The following RFX3 variants were observed in gnomAD, a reference collection of about 807,000 sequenced individuals.
The protein encoded by RFX3 is regulatory factor X3.
Under a neutral mutation model 98.6 loss-of-function variants are expected in RFX3, and 14 were observed. The observed-to-expected ratio is 0.14, with a 90% CI of 0.09 to 0.22. The LOEUF (loss-of-function observed/expected upper bound fraction) is 0.22. Ranked by LOEUF, RFX3 falls within the 10% of genes least tolerant of loss-of-function variation. The pLI is 1.00. For missense variants in RFX3, 639 were observed against 926.9 expected, an observed-to-expected ratio of 0.69 and a Z score of 4.03; for synonymous variants, 383 against 328.4, an observed-to-expected ratio of 1.17 and a Z score of -1.80.
At chr9:3,485,101 G>A (rs1242515096) in intron 1 of RFX3, among the ~76,000 whole-genome samples, 2 of 152,016 alleles carry the variant, frequency 1.3e-5, no homozygotes, top group Non-Finnish European at 2.9e-5. Flanking sequence ...AACAGAGCAA[G>A]AGCCTATCTC....
chr9:3,270,331 T>G (rs773148426), intron 11 of RFX3, 40 bp downstream of exon 11: 1 of 1,570,250 alleles, frequency 6.4e-7, no homozygotes, highest in South Asian at 1.2e-5. Flanking sequence ...GTGGAATGTA[T>G]GAGAACAAAA....
chr9:3,485,713 AT>A (rs896238292), intron 1 of RFX3, among the ~76,000 whole-genome samples: 1 of 152,238 alleles, frequency 6.6e-6, no homozygotes, highest in Non-Finnish European at 1.5e-5. Context: ...ATCTGCAAAA[AT>A]TACATGCATC....
chr9:3,342,671 A>T (rs558953262), intron 3 of RFX3, among the ~76,000 whole-genome samples: 6 of 151,866 alleles, frequency 4.0e-5, no homozygotes, highest in South Asian at 4.2e-4. Context: ...ATTTTATTTT[A>T]AAAAAAAACT....
chr9:3,365,806 CT>C (rs1231471511), intron 2 of RFX3, among the ~76,000 whole-genome samples: 1 of 152,042 alleles, frequency 6.6e-6, no homozygotes, highest in Non-Finnish European at 1.5e-5. Flanking sequence ...CTCCAACCCC[CT>C]ACCAATAATT....
chr9:3,336,960 G>A (rs921068219), intron 3 of RFX3, among the ~76,000 whole-genome samples: 2 of 152,186 alleles, frequency 1.3e-5, no homozygotes, highest in East Asian at 1.9e-4. Flanking sequence ...ACCAGAGTAT[G>A]AAATGTACGC....
chr9:3,228,188 A>T (rs1333706684), intron 16 of RFX3, among the ~76,000 whole-genome samples: 1 of 152,190 alleles, frequency 6.6e-6, no homozygotes, highest in Non-Finnish European at 1.5e-5. Context: ...CTCTGCTTAT[A>T]AAGGTGGGTA....
At chr9:3,239,831 C>T (rs1476653318) in intron 15 of RFX3, among the ~76,000 whole-genome samples, 3 of 152,218 alleles carry the variant, frequency 2.0e-5, no homozygotes, top group Non-Finnish European at 4.4e-5. Context: ...GGAGCCTGTG[C>T]TTCCCTCCCT....
chr9:3,266,237 T>C lies in RFX3; in HGVS notation c.1426A>G (p.Asn476Asp). ...GTTTGTATCATTCTCTGTGGAATAT[T>C]GTTCATGGCATTGGAAAGCCAACCT... ...LEGWLSNAMNNIPQRMIQTKV... is the reference protein window; with the variant it reads ...LEGWLSNAMNDIPQRMIQTKV... Residue 476 changes from asparagine to aspartate, a missense_variant, in exon 12 of 17, where the codon AAT becomes GAT. Asn to Asp is a conservative substitution (Grantham distance 23, BLOSUM62 1). Transcript: ENST00000617270. The C allele has an allele frequency of 1.2e-6, 2 of 1,610,878 alleles. No homozygotes were observed. Among genetic ancestry groups the C allele is most frequent in the Non-Finnish European group, 8.5e-7 (1 of 1,177,778 alleles).
At chr9:3,352,252 G>A (rs1835234773) in intron 2 of RFX3, among the ~76,000 whole-genome samples, 1 of 151,960 alleles carries the variant, frequency 6.6e-6, no homozygotes, top group African/African-American at 2.4e-5. Context: ...GTGTATGTGT[G>A]TGTGCATATA....
intron 2 of RFX3, among the ~76,000 whole-genome samples, chr9:3,349,803 T>C (rs1399971275): frequency 2.6e-5 from 4 of 152,006 alleles, no homozygotes; most frequent in Admixed American, 1.3e-4. Context: ...TAGAATAAAT[T>C]TGAAGATCAT....
intron 1 of RFX3, among the ~76,000 whole-genome samples, chr9:3,413,889 T>C (rs1332640219): frequency 6.6e-6 from 1 of 152,108 alleles, no homozygotes; most frequent in East Asian, 1.9e-4. Flanking sequence ...TCCACCTAGA[T>C]AACATGAAGA....
intron 3 of RFX3, among the ~76,000 whole-genome samples, chr9:3,336,050 T>G (rs760990453): frequency 6.6e-6 from 1 of 152,184 alleles, no homozygotes; most frequent in Non-Finnish European, 1.5e-5. Flanking sequence ...ACCAAGATGT[T>G]GAATGTCCTC....
chr9:3,462,127 T>C (rs916124650), intron 1 of RFX3, among the ~76,000 whole-genome samples: 2 of 151,950 alleles, frequency 1.3e-5, no homozygotes, highest in Non-Finnish European at 1.5e-5. Context: ...ACAAGCATAC[T>C]ACAAGAAAAT....
chr9:3,499,248 G>C (rs1815714067), intron 1 of RFX3, among the ~76,000 whole-genome samples: 1 of 151,938 alleles, frequency 6.6e-6, no homozygotes, highest in Non-Finnish European at 1.5e-5. Flanking sequence ...GCAGCACTAA[G>C]TACCTTCAAC....
chr9:3,434,319 CATT>C (rs1411662906), intron 1 of RFX3, among the ~76,000 whole-genome samples: 9 of 152,070 alleles, frequency 5.9e-5, no homozygotes, highest in Non-Finnish European at 1.2e-4. Context: ...TGCCTTATAT[CATT>C]ATTAAGTGTG....
chr9:3,462,367 C>G (rs1378993127), intron 1 of RFX3, among the ~76,000 whole-genome samples: 1 of 151,992 alleles, frequency 6.6e-6, no homozygotes, highest in Non-Finnish European at 1.5e-5. Flanking sequence ...AAATAACCCT[C>G]AGCAAACTGG....
chr9:3,330,528 A>G lies in RFX3; in HGVS notation c.216-11T>C. The stretch of plus-strand genomic sequence containing the variant: ...TACGTTGTTGTTCGGCTTTAGAAGA[A>G]GAAGAAAAAAGAAATTTACTAGCTT... On this transcript the variant is annotated splice_polypyrimidine_tract_variant and intron_variant, in intron 3 of 16. Coordinates refer to ENST00000617270, the MANE Select transcript of RFX3 (RefSeq NM_001282116.2). 1 of 1,584,398 alleles carries G rather than the reference A, an allele frequency of 6.3e-7. No individual in the cohort carries two copies. Among genetic ancestry groups the G allele is most frequent in the South Asian group, 1.1e-5 (1 of 87,212 alleles).
At chr9:3,504,384 C>T (rs372096006) in intron 1 of RFX3, among the ~76,000 whole-genome samples, 5,486 of 109,618 alleles carry the variant, frequency 0.05, 846 homozygotes, top group East Asian at 0.35. Context: ...TTATATACCA[C>T]ATAGCATATA....
At chr9:3,425,538 T>C (rs1843935986) in intron 1 of RFX3, among the ~76,000 whole-genome samples, 3 of 152,204 alleles carry the variant, frequency 2.0e-5, no homozygotes, top group Admixed American at 2.0e-4. Context: ...TGAAACAAAG[T>C]TAGCTGCTTC....
Sources: gnomAD v4.1 joint callset for allele counts (sites outside exome capture counted in the v4.1 genomes callset) on GRCh38, gnomAD v4.1.1 for gene constraint, MANE v1.5 for transcripts, NCBI Gene and HGNC (gene_info 2026-07-23, HGNC 2026-07-21) for gene names.